Variants in SLC7A1 observed in about 807,000 individuals in gnomAD.
SLC7A1 encodes solute carrier family 7 member 1.
A neutral mutation model predicts 53.9 loss-of-function variants in SLC7A1; 10 were observed. The ratio of observed to expected loss-of-function variants is 0.19; its 90% CI spans 0.11 to 0.31. The LOEUF (loss-of-function observed/expected upper bound fraction) is 0.31, where lower values mean the gene tolerates loss of function less well. SLC7A1 is among the 10% of genes least tolerant of loss of function. The pLI is 1.00. For synonymous variants in SLC7A1, 342 were observed against 338.7 expected, an observed-to-expected ratio of 1.01 and a Z score of -0.11; for missense variants, 525 against 827.2, an observed-to-expected ratio of 0.63 and a Z score of 4.48.
chr13:29,531,894 G>A (rs993173574), intron 4 of SLC7A1, among the ~76,000 whole-genome samples: 3 of 152,152 alleles, frequency 2.0e-5, no homozygotes, highest in Non-Finnish European at 4.4e-5. Flanking sequence ...GAATTATAAA[G>A]TACAGATGTT....
chr13:29,540,557 T>TGG (rs1329228927), intron 2 of SLC7A1, among the ~76,000 whole-genome samples: 8 of 152,240 alleles, frequency 5.3e-5, no homozygotes, highest in African/African-American at 1.7e-4. Flanking sequence ...TCACCTTGAA[T>TGG]TTAACGGATC....
chr13:29,582,726 G>C (rs144166096), intron 1 of SLC7A1, among the ~76,000 whole-genome samples: 59 of 152,322 alleles, frequency 3.9e-4, no homozygotes, highest in African/African-American at 1.3e-3. Flanking sequence ...CCCCAGGGGA[G>C]GATTTGTATG....
At chr13:29,573,951 C>A (rs1254532391) in intron 1 of SLC7A1, among the ~76,000 whole-genome samples, 1 of 152,196 alleles carries the variant, frequency 6.6e-6, no homozygotes, top group African/African-American at 2.4e-5. Context: ...CAGCTACTAA[C>A]AAGCAATGAC....
At position 29,534,741 on chromosome 13, in the gene SLC7A1, C is replaced by T. The variant is rs374625843; in HGVS notation, c.370+1078G>A. 2.3e-4 allele frequency among the ~76,000 whole-genome samples: 35 copies of T among 152,066 alleles called. 2 individuals are homozygous for T. The South Asian group carries it at 6.6e-3, about 29-fold the overall frequency. ...AGTGGGAGCTGACACAGAAGCAAGGCGGAACCCACATGGCTCAACTTAACA... is the reference window on the plus strand; with the variant it reads ...AGTGGGAGCTGACACAGAAGCAAGGTGGAACCCACATGGCTCAACTTAACA... On this transcript the variant is annotated intron_variant, in intron 3 of 12. Transcript: ENST00000380752.
At chr13:29,588,260 C>T (rs1871969915) in intron 1 of SLC7A1, among the ~76,000 whole-genome samples, 1 of 152,090 alleles carries the variant, frequency 6.6e-6, no homozygotes. Flanking sequence ...GCTATTGTAC[C>T]ATGGTTATGT....
intron 7 of SLC7A1, 54 bp from the exon 8 acceptor site, chr13:29,522,510 G>T: frequency 6.3e-7 from 1 of 1,596,812 alleles, no homozygotes; most frequent in Non-Finnish European, 8.6e-7. Context: ...AGGGATAAAG[G>T]CACCACATCC....
At chr13:29,594,998 G>A (rs1366340109) in intron 1 of SLC7A1, among the ~76,000 whole-genome samples, 1 of 151,864 alleles carries the variant, frequency 6.6e-6, no homozygotes, top group African/African-American at 2.4e-5. Flanking sequence ...AGGTCTCCTC[G>A]CCGCCGGCGG....
intron 1 of SLC7A1, among the ~76,000 whole-genome samples, chr13:29,581,673 A>C (rs575396835): frequency 6.6e-6 from 1 of 152,340 alleles, no homozygotes; most frequent in East Asian, 1.9e-4. Flanking sequence ...CCCCAGTGCT[A>C]GCTCTGGCAG....
rs148158088 is a variant in SLC7A1, at chr13:29,587,931, T to C, written c.-115+7485A>G. On this transcript the variant is annotated intron_variant, in intron 1 of 12. Transcript: ENST00000380752. Reference sequence around the variant, plus strand: ...GCCAGGTCACCAGAGCTGAAGGAGCTGAGAAAGTCTTTCCACCACCTTTCT... The same window carrying C: ...GCCAGGTCACCAGAGCTGAAGGAGCCGAGAAAGTCTTTCCACCACCTTTCT... 9.9e-3 allele frequency among the ~76,000 whole-genome samples: 1,507 copies of C among 152,342 alleles called. 29 individuals carry two copies. Among genetic ancestry groups the C allele is most frequent in the African/African-American group, 0.033 (1,377 of 41,582 alleles).
chr13:29,527,222 G>A (rs1025518282), intron 5 of SLC7A1, among the ~76,000 whole-genome samples: 1 of 152,198 alleles, frequency 6.6e-6, no homozygotes, highest in Non-Finnish European at 1.5e-5. Context: ...GGAGAAACTG[G>A]AAGCTTACAC....
intron 1 of SLC7A1, among the ~76,000 whole-genome samples, chr13:29,580,368 A>T (rs772664909): frequency 6.6e-6 from 1 of 152,120 alleles, no homozygotes; most frequent in Non-Finnish European, 1.5e-5. Context: ...GGATTCCTAC[A>T]CCGTGCTTCC....
intron 1 of SLC7A1, among the ~76,000 whole-genome samples, chr13:29,570,023 A>T (rs1027266713): frequency 6.6e-6 from 1 of 152,196 alleles, no homozygotes; most frequent in Non-Finnish European, 1.5e-5. Flanking sequence ...GTTTTCTAAC[A>T]TCATACAGAA....
At chr13:29,528,050 CCCT>C (rs1334948209) in intron 5 of SLC7A1, among the ~76,000 whole-genome samples, 2 of 152,178 alleles carry the variant, frequency 1.3e-5, no homozygotes, top group Non-Finnish European at 2.9e-5. Context: ...AGGGAGGGGA[CCCT>C]CTGCTGTTCC....
chr13:29,512,034 T>C lies in SLC7A1; in HGVS notation c.*2446A>G, dbSNP rs1315118402. The C allele has an allele frequency of 6.6e-6, 1 of 152,070 alleles. No individual in the cohort carries two copies. Among genetic ancestry groups the C allele is most frequent in the African/African-American group, 2.4e-5 (1 of 41,390 alleles). 9.4% of individuals were successfully genotyped at this position (152,070 alleles called of 1,614,324 possible). A position where few individuals can be genotyped will look rare whatever the true frequency, so the allele number is the denominator to read the frequency against. The stretch of plus-strand genomic sequence containing the variant: ...AAATGAGGGATATGATAAGAAAAAG[T>C]CTATTAAAATTGTAAGGCTTACTCC... On this transcript the variant is annotated 3_prime_UTR_variant, in exon 13 of 13. Transcript: ENST00000380752.
chr13:29,515,548 G>C (rs916274729), intron 12 of SLC7A1, among the ~76,000 whole-genome samples: 1 of 152,250 alleles, frequency 6.6e-6, no homozygotes, highest in African/African-American at 2.4e-5. Context: ...AATGGCCAGG[G>C]CCACTTTCCT....
chr13:29,552,299 AT>A (rs953508683), intron 2 of SLC7A1, among the ~76,000 whole-genome samples: 7 of 151,916 alleles, frequency 4.6e-5, no homozygotes, highest in African/African-American at 1.4e-4. Flanking sequence ...TTTTCCCTCT[AT>A]TTTTTGTGAT....
rs1316727689 is a variant in SLC7A1, at chr13:29,560,879, CAT to C, written c.-114-7021_-114-7020del. On this transcript the variant is annotated intron_variant, in intron 1 of 12. Transcript: ENST00000380752. ...AAAATAACCCCAAAATATCAGAAAA[CAT>C]ATCCCACTGAACGATTTATAAATCA... is the stretch of plus-strand genomic sequence containing the variant. Among the ~76,000 whole-genome samples, 5 of 152,242 alleles carry C rather than the reference CAT, an allele frequency of 3.3e-5. No homozygotes were observed. In the East Asian group the frequency reaches 7.7e-4, roughly 23 times the overall value.
chr13:29,591,519 T>C (rs2669037), intron 1 of SLC7A1, among the ~76,000 whole-genome samples: 149,629 of 152,280 alleles, frequency 0.98, 73,582 homozygotes, highest in East Asian at 1. Flanking sequence ...GTTTCTACAA[T>C]GCAGAACTCA....
intron 1 of SLC7A1, among the ~76,000 whole-genome samples, chr13:29,582,168 G>A (rs543990609): frequency 6.6e-6 from 1 of 152,226 alleles, no homozygotes; most frequent in Non-Finnish European, 1.5e-5. Flanking sequence ...GAAATGAGGA[G>A]GGCTGCTTGC....
Sources: gnomAD v4.1 joint callset for allele counts (sites outside exome capture counted in the v4.1 genomes callset) on GRCh38, gnomAD v4.1.1 for gene constraint, MANE v1.5 for transcripts, NCBI Gene and HGNC (gene_info 2026-07-23, HGNC 2026-07-21) for gene names.